The following SPON1 variants were observed in gnomAD, a reference collection of about 807,000 sequenced individuals.
The protein encoded by SPON1 is spondin-1.
Under a neutral mutation model 111.7 loss-of-function variants are expected in SPON1, and 52 were observed. The ratio of observed to expected loss-of-function variants is 0.47; its 90% CI spans 0.37 to 0.59. The LOEUF (loss-of-function observed/expected upper bound fraction) is 0.59, where lower values mean the gene tolerates loss of function less well. SPON1 is among the 20% of genes least tolerant of loss of function. SPON1 has a pLI of 0.00. For synonymous variants in SPON1, 410 were observed against 395.8 expected (o/e 1.04, Z -0.43); for missense variants, 957 against 1,068.5 (o/e 0.90, Z 1.46).
intron 6 of SPON1, among the ~76,000 whole-genome samples, chr11:14,158,824 A>G (rs1249329762): frequency 6.6e-6 from 1 of 152,078 alleles, no homozygotes; most frequent in Non-Finnish European, 1.5e-5. Context: ...CTCTTCTTTA[A>G]GTACTTGGGT....
intron 1 of SPON1, among the ~76,000 whole-genome samples, chr11:13,968,688 G>A (rs555086001): frequency 1.3e-5 from 2 of 152,282 alleles, no homozygotes; most frequent in South Asian, 4.2e-4. Flanking sequence ...TTACAGCCGA[G>A]GAGAACCTCT....
intron 11 of SPON1, 106 bp downstream of exon 11, chr11:14,258,004 G>C: frequency 5.6e-6 from 6 of 1,078,740 alleles, no homozygotes; most frequent in African/African-American, 1.6e-5. Flanking sequence ...GACCCTGACA[G>C]TAGATGTCAG....
intron 6 of SPON1, among the ~76,000 whole-genome samples, chr11:14,178,562 A>C (rs1302631014): frequency 1.3e-5 from 2 of 152,230 alleles, no homozygotes; most frequent in African/African-American, 4.8e-5. Flanking sequence ...CTTGGGCTAA[A>C]TTGTTACATA....
chr11:13,994,578 C>T (rs782147106), intron 2 of SPON1, among the ~76,000 whole-genome samples: 3 of 152,000 alleles, frequency 2.0e-5, no homozygotes, highest in Non-Finnish European at 4.4e-5. Context: ...CAGGTTAAAT[C>T]GATAGATCAA....
At chr11:14,260,816 C>A in intron 14 of SPON1, 64 bp downstream of exon 14, 1 of 1,538,348 alleles carries the variant, frequency 6.5e-7, no homozygotes, top group Non-Finnish European at 8.9e-7. Flanking sequence ...AGCCCCGAAC[C>A]AGCCAGTGCT....
At chr11:14,057,785 A>G (rs1160421739) in intron 3 of SPON1, among the ~76,000 whole-genome samples, 1 of 147,310 alleles carries the variant, frequency 6.8e-6, no homozygotes, top group Non-Finnish European at 1.5e-5. Flanking sequence ...GCTTGAACCC[A>G]GGAGTTCAAG....
chr11:14,207,244 A>G (rs1848527369), intron 6 of SPON1, among the ~76,000 whole-genome samples: 1 of 152,258 alleles, frequency 6.6e-6, no homozygotes, highest in Non-Finnish European at 1.5e-5. Flanking sequence ...CTCAAGATGG[A>G]TAAAAGACTT....
intron 2 of SPON1, among the ~76,000 whole-genome samples, chr11:14,007,002 G>T (rs1360766800): frequency 6.6e-6 from 1 of 152,180 alleles, no homozygotes; most frequent in African/African-American, 2.4e-5. Flanking sequence ...CCCTCTGGGG[G>T]CTCTAGGGCA....
At chr11:13,981,649 C>A (rs534912424) in intron 1 of SPON1, among the ~76,000 whole-genome samples, 2 of 152,268 alleles carry the variant, frequency 1.3e-5, no homozygotes, top group African/African-American at 2.4e-5. Context: ...ACGGAAAAAT[C>A]GTTTCCTGGG....
intron 6 of SPON1, among the ~76,000 whole-genome samples, chr11:14,190,240 G>A (rs1282413894): frequency 2.6e-5 from 4 of 152,158 alleles, no homozygotes; most frequent in African/African-American, 4.8e-5. Flanking sequence ...CTCACTCCAG[G>A]AGCCTGAAAG....
At chr11:14,087,078 A>AT (rs1481447247) in intron 5 of SPON1, among the ~76,000 whole-genome samples, 1 of 149,324 alleles carries the variant, frequency 6.7e-6, no homozygotes, top group Non-Finnish European at 1.5e-5. Flanking sequence ...TATTTTGTTA[A>AT]TTTTTTCAAA....
chr11:14,009,588 T>G (rs1190947941), intron 2 of SPON1, among the ~76,000 whole-genome samples: 1 of 152,256 alleles, frequency 6.6e-6, no homozygotes, highest in East Asian at 1.9e-4. Context: ...AGAACTGTGT[T>G]CATATTTGGT....
rs1848911058 is a variant in SPON1 at position 14,075,605 on chromosome 11, A to C, written c.553+187A>C. Among the ~76,000 whole-genome samples, 4 of 152,226 alleles carry C rather than the reference A, an allele frequency of 2.6e-5. 1 individual carries two copies. In the Middle Eastern group the frequency reaches 0.01, roughly 388 times the overall value. The stretch of plus-strand genomic sequence containing the variant: ...GGTAATTGGATCCGCCTTAAGCTCT[A>C]ATTACTCAGCTTGATTCCCTGGGTA... On this transcript the variant is annotated intron_variant, in intron 4 of 15. Coordinates refer to ENST00000576479, the MANE Select transcript of SPON1 (RefSeq NM_006108.4).
intron 2 of SPON1, among the ~76,000 whole-genome samples, chr11:14,014,545 G>A (rs1848430988): frequency 6.6e-6 from 1 of 152,224 alleles, no homozygotes; most frequent in African/African-American, 2.4e-5. Flanking sequence ...GAGTTTGGGA[G>A]GAGAAAGGTC....
At chr11:14,216,066 A>G (rs1848622687) in intron 6 of SPON1, among the ~76,000 whole-genome samples, 1 of 152,240 alleles carries the variant, frequency 6.6e-6, no homozygotes, top group South Asian at 2.1e-4. Context: ...TTGTTCATCA[A>G]GGTGGTTAAG....
rs1003496272 is a variant in SPON1, at chr11:14,228,244, A to T, written c.826-15088A>T. On this transcript the variant is annotated intron_variant, in intron 6 of 15. Coordinates refer to ENST00000576479, the MANE Select transcript of SPON1 (RefSeq NM_006108.4). The surrounding 1 kb of genome is among the most constrained non-coding windows in gnomAD (Gnocchi z 4.2). ...CCCACTGTTCTTCCAACCACTGACA[A>T]CACATTGTTCAGGCAGCAGCACACG... Among the ~76,000 whole-genome samples, 1 of 152,168 alleles carries T rather than the reference A, an allele frequency of 6.6e-6. No individual in the cohort carries two copies. The highest frequency in any genetic ancestry group is 2.4e-5 in the African/African-American group (1 of 41,436).
At chr11:13,984,572 A>G (rs143776798) in intron 2 of SPON1, among the ~76,000 whole-genome samples, 114 of 152,220 alleles carry the variant, frequency 7.5e-4, no homozygotes, top group African/African-American at 2.6e-3. Flanking sequence ...GACAACCACA[A>G]TCCATTCACA....
chr11:14,159,540 T>C (rs186418921), intron 6 of SPON1, among the ~76,000 whole-genome samples: 2 of 152,164 alleles, frequency 1.3e-5, no homozygotes, highest in Non-Finnish European at 1.5e-5. Context: ...TGGGTATAGA[T>C]CCAAAAGAAA....
chr11:14,258,795 A>AAGTC (rs1849139165), intron 11 of SPON1, among the ~76,000 whole-genome samples: 1 of 152,140 alleles, frequency 6.6e-6, no homozygotes, highest in Non-Finnish European at 1.5e-5. Context: ...CCCGTAGACT[A>AAGTC]AGTCATTCCT....
Sources: gnomAD v4.1 joint callset for allele counts (sites outside exome capture counted in the v4.1 genomes callset) on GRCh38, gnomAD v4.1.1 for gene constraint, Gnocchi (gnomAD v3.1) non-coding constraint, MANE v1.5 for transcripts, NCBI Gene and HGNC (gene_info 2026-07-23, HGNC 2026-07-21) for gene names.